SYN3: variants seen among roughly 807,000 people sequenced by gnomAD.
SYN3 encodes the protein synapsin-3.
Under a neutral mutation model 65.8 loss-of-function variants are expected in SYN3, and 35 were observed. That is an observed-to-expected ratio of 0.53 (90% CI 0.41 to 0.70). The LOEUF (loss-of-function observed/expected upper bound fraction) is 0.70, where lower values mean the gene tolerates loss of function less well. SYN3 is among the 30% of genes least tolerant of loss of function. SYN3 has a pLI of 0.00. For synonymous variants in SYN3, 270 were observed against 292.9 expected, an observed-to-expected ratio of 0.92 and a Z score of 0.80; for missense variants, 680 against 749.0, an observed-to-expected ratio of 0.91 and a Z score of 1.08.
intron 6 of SYN3, among the ~76,000 whole-genome samples, chr22:32,785,698 T>C: frequency 6.6e-6 from 1 of 152,228 alleles, no homozygotes; most frequent in East Asian, 1.9e-4. Context: ...AAGGAGACCC[T>C]ATATGCTCCA....
chr22:33,008,951 A>G (rs1268396540), intron 1 of SYN3, among the ~76,000 whole-genome samples: 7 of 92,930 alleles, frequency 7.5e-5, no homozygotes, highest in African/African-American at 2.3e-4. Flanking sequence ...AAAAAAAAAA[A>G]AAAAAAAAAA....
chr22:32,587,944 T>TA (rs1234101764), intron 7 of SYN3, among the ~76,000 whole-genome samples: 1 of 152,134 alleles, frequency 6.6e-6, no homozygotes, highest in African/African-American at 2.4e-5. Flanking sequence ...GCCTGAGGGT[T>TA]GTGCCCCACT....
intron 2 of SYN3, among the ~76,000 whole-genome samples, chr22:32,987,079 G>A (rs1167220348): frequency 1.3e-5 from 2 of 152,040 alleles, no homozygotes; most frequent in South Asian, 2.1e-4. Flanking sequence ...CCAATAAATC[G>A]ATCCTGTATG....
intron 6 of SYN3, among the ~76,000 whole-genome samples, chr22:32,769,602 C>T (rs191617597): frequency 3.9e-5 from 6 of 152,062 alleles, no homozygotes; most frequent in African/African-American, 9.7e-5. Context: ...ACGCAACCTC[C>T]GCCTCCCGGG....
chr22:32,632,115 C>G (rs1215191417), intron 6 of SYN3, among the ~76,000 whole-genome samples: 1 of 152,202 alleles, frequency 6.6e-6, no homozygotes, highest in Non-Finnish European at 1.5e-5. Context: ...CCTCATTGCT[C>G]AATGCAGGGG....
chr22:32,917,283 T>G (rs1188257844), intron 4 of SYN3, among the ~76,000 whole-genome samples: 1 of 152,094 alleles, frequency 6.6e-6, no homozygotes, highest in Non-Finnish European at 1.5e-5. Context: ...TTTCCAATAT[T>G]AAGCTGTGTC....
At chr22:32,820,468 C>G (rs566854437) in intron 6 of SYN3, among the ~76,000 whole-genome samples, 1 of 152,174 alleles carries the variant, frequency 6.6e-6, no homozygotes, top group South Asian at 2.1e-4. Flanking sequence ...CCTGGAAAAC[C>G]TGCACCTGAA....
chr22:32,799,640 CACATGACTG>C, intron 6 of SYN3, among the ~76,000 whole-genome samples: 1 of 152,290 alleles, frequency 6.6e-6, no homozygotes, highest in Non-Finnish European at 1.5e-5. Context: ...TAAAACCTTC[CACATGACTG>C]TGGAATAAGT....
At chr22:32,520,767 C>CA (rs751125627) in intron 12 of SYN3, among the ~76,000 whole-genome samples, 9 of 152,166 alleles carry the variant, frequency 5.9e-5, no homozygotes, top group Non-Finnish European at 1.0e-4. Flanking sequence ...GTATAACCTC[C>CA]ATGACCTGTG....
chr22:32,537,166 C>T (rs554867830), intron 9 of SYN3, among the ~76,000 whole-genome samples: 3 of 151,986 alleles, frequency 2.0e-5, no homozygotes, highest in Non-Finnish European at 2.9e-5. Context: ...CCCTTCCCCC[C>T]CTTTTTTTTT....
chr22:33,040,192 A>C (rs1269553903), intron 1 of SYN3, among the ~76,000 whole-genome samples: 1 of 151,898 alleles, frequency 6.6e-6, no homozygotes, highest in Non-Finnish European at 1.5e-5. Flanking sequence ...ATTTTAATAG[A>C]GATCCATGTT....
chr22:32,638,469 A>T (rs1286088516), intron 6 of SYN3, among the ~76,000 whole-genome samples: 1 of 152,158 alleles, frequency 6.6e-6, no homozygotes, highest in Non-Finnish European at 1.5e-5. Context: ...CCTCACCAAC[A>T]TCTGTTGTTT....
At chr22:32,925,366 C>T (rs139502346) in intron 4 of SYN3, among the ~76,000 whole-genome samples, 78 of 152,324 alleles carry the variant, frequency 5.1e-4, no homozygotes, top group Non-Finnish European at 7.2e-4. Context: ...AGTAAGGTCA[C>T]GTTCTGAGGT....
At chr22:32,904,271 T>C (rs1199698262) in intron 4 of SYN3, among the ~76,000 whole-genome samples, 3 of 152,202 alleles carry the variant, frequency 2.0e-5, no homozygotes, top group Non-Finnish European at 2.9e-5. Flanking sequence ...GGAATGCTAG[T>C]GATACTGCAA....
chr22:33,049,914 A>G (rs1349761991), intron 1 of SYN3, among the ~76,000 whole-genome samples: 1 of 149,608 alleles, frequency 6.7e-6, no homozygotes, highest in Non-Finnish European at 1.5e-5. Flanking sequence ...CACAAAGCCA[A>G]GCAGAGGAGG....
intron 4 of SYN3, among the ~76,000 whole-genome samples, chr22:32,909,010 G>T (rs1257658864): frequency 1.3e-5 from 2 of 152,136 alleles, no homozygotes; most frequent in Non-Finnish European, 1.5e-5. Flanking sequence ...GGCTTGATAG[G>T]CCTCACCACA....
At chr22:32,915,678 T>G (rs2050168697) in intron 4 of SYN3, among the ~76,000 whole-genome samples, 3 of 152,146 alleles carry the variant, frequency 2.0e-5, no homozygotes. Flanking sequence ...AGTACCATTG[T>G]GGGTAAGGGG....
chr22:32,650,242 C>T (rs1319126116), intron 6 of SYN3, among the ~76,000 whole-genome samples: 11 of 97,792 alleles, frequency 1.1e-4, no homozygotes, highest in Middle Eastern at 4.6e-3. Context: ...TCCCTCCCTC[C>T]CTCCCTCCCT....
At chr22:32,830,078 G>T (rs1480062230) in intron 6 of SYN3, among the ~76,000 whole-genome samples, 1 of 152,192 alleles carries the variant, frequency 6.6e-6, no homozygotes, top group African/African-American at 2.4e-5. Context: ...CGACATTTCA[G>T]GAGGAGGAAG....
Sources: allele counts gnomAD v4.1 joint callset (sites outside exome capture counted in the v4.1 genomes callset), GRCh38; gene constraint gnomAD v4.1.1; transcripts MANE v1.5; gene names NCBI Gene and HGNC (gene_info 2026-07-23, HGNC 2026-07-21).